The following IGFBP2 variants were observed in gnomAD, a reference collection of about 807,000 sequenced individuals.
IGFBP2 encodes insulin-like growth factor-binding protein 2.
IGFBP2 carries 12 observed loss-of-function variants against 26.2 expected under a neutral mutation model. The observed-to-expected ratio is 0.46, with a 90% CI of 0.29 to 0.74. The LOEUF is 0.74. Ranked by LOEUF, IGFBP2 falls within the 30% of genes least tolerant of loss-of-function variation. The probability of loss-of-function intolerance (pLI) is 0.09; values close to 1 mark genes in which losing one functional copy is unlikely to be tolerated. For synonymous variants in IGFBP2, 189 were observed against 200.6 expected (o/e 0.94, Z 0.49); for missense variants, 328 against 441.2 (o/e 0.74, Z 2.30).
chr2:216,659,724 A>G lies in IGFBP2; in HGVS notation c.443-833A>G, dbSNP rs1421426237. 126 of 1,535,672 alleles carry G rather than the reference A, an allele frequency of 8.2e-5. 2 individuals are homozygous for G. The East Asian group carries it at 3.0e-3, about 37-fold the overall frequency. ...CTTAATGGACGCTTGTTGGACAGAC[A>G]TCACGAAGCTTCATGCCCTGCAGTA... On this transcript the variant is annotated intron_variant, in intron 1 of 3. Coordinates refer to ENST00000233809, the MANE Select transcript of IGFBP2 (RefSeq NM_000597.3).
intron 1 of IGFBP2, among the ~76,000 whole-genome samples, chr2:216,655,042 T>C (rs982293362): frequency 6.6e-6 from 1 of 152,160 alleles, no homozygotes; most frequent in African/African-American, 2.4e-5. Context: ...TTTTAAAATT[T>C]AAAAATTATT....
intron 1 of IGFBP2, among the ~76,000 whole-genome samples, chr2:216,639,052 G>A (rs543210184): frequency 6.6e-5 from 8 of 121,196 alleles, no homozygotes; most frequent in Non-Finnish European, 4.9e-5. Context: ...TTGCTCCGTC[G>A]CCCAGGCTGG....
intron 1 of IGFBP2, among the ~76,000 whole-genome samples, chr2:216,650,302 G>C (rs1439426004): frequency 6.6e-6 from 1 of 152,208 alleles, no homozygotes; most frequent in East Asian, 1.9e-4. Context: ...TGAGTACACT[G>C]ACACCTGCGC....
intron 2 of IGFBP2, 89 bp from the exon 3 acceptor site, chr2:216,661,769 C>G: frequency 6.8e-7 from 1 of 1,473,904 alleles, no homozygotes; most frequent in African/African-American, 1.4e-5. Context: ...CCTCCCTGTG[C>G]AGCAGCTTCT....
At chr2:216,655,606 T>G (rs1372018404) in intron 1 of IGFBP2, among the ~76,000 whole-genome samples, 2 of 152,118 alleles carry the variant, frequency 1.3e-5, no homozygotes. Context: ...AGTGTGAAAA[T>G]GGACTAATAC....
chr2:216,634,099 C>T (rs2106184829), intron 1 of IGFBP2, 134 bp downstream of exon 1: 2 of 1,342,334 alleles, frequency 1.5e-6, no homozygotes, highest in African/African-American at 1.5e-5. Context: ...GGGACTGTTG[C>T]TAGCGGGACG....
At position 216,633,558 on chromosome 2, in the gene IGFBP2, T is replaced by TACC; in HGVS notation, c.35_36insACC (p.Pro16dup). The TACC allele has an allele frequency of 1.7e-5, 2 of 114,700 alleles. No individual in the cohort carries two copies. Among genetic ancestry groups the TACC allele is most frequent in the African/African-American group, 5.6e-5 (1 of 17,824 alleles). 7.1% of individuals were successfully genotyped at this position (114,700 alleles called of 1,614,324 possible). On this transcript the variant is annotated inframe_insertion, in exon 1 of 4. Transcript: ENST00000233809. ...AGAGTGGGCTGCCCCGCGCTGCCGC[T>TACC]GCCGCCGCCGCCGCTGCTGCCGCTG...
intron 2 of IGFBP2, 29 bp from the exon 3 acceptor site, chr2:216,661,829 C>T (rs368246806): frequency 2.5e-5 from 40 of 1,613,464 alleles, no homozygotes; most frequent in Middle Eastern, 1.6e-4. Flanking sequence ...GTCCTCACTC[C>T]GGGCGTCCCC....
At chr2:216,638,256 G>C (rs1697540178) in intron 1 of IGFBP2, among the ~76,000 whole-genome samples, 1 of 151,850 alleles carries the variant, frequency 6.6e-6, no homozygotes, top group African/African-American at 2.4e-5. Flanking sequence ...TGTAATTCCA[G>C]CACTTAGGGA....
intron 1 of IGFBP2, among the ~76,000 whole-genome samples, chr2:216,649,077 T>G (rs561509287): frequency 1.6e-4 from 24 of 152,364 alleles, no homozygotes; most frequent in African/African-American, 5.0e-4. Flanking sequence ...TGCATATATG[T>G]GATAGATGAC....
At chr2:216,656,756 C>G (rs944302443) in intron 1 of IGFBP2, among the ~76,000 whole-genome samples, 7 of 152,186 alleles carry the variant, frequency 4.6e-5, no homozygotes, top group African/African-American at 1.7e-4. Context: ...TAGAGACTGT[C>G]TGCCTTCACC....
chr2:216,663,999 G>C lies in IGFBP2; in HGVS notation c.873G>C (p.Gly291=), dbSNP rs1222613611. ...GECWCVNPNT[G]KLIQGAPTIR... is the part of the protein sequence containing the mutation. ...GCTGGTGTGTGAACCCCAACACCGG[G>C]AAGCTGATCCAGGGAGCCCCCACCA... Residue 291 remains glycine (G), a synonymous_variant, in exon 4 of 4, where the codon GGG becomes GGC. Coordinates refer to ENST00000233809, the MANE Select transcript of IGFBP2 (RefSeq NM_000597.3). The C allele has an allele frequency of 1.2e-6, 2 of 1,614,056 alleles. No individual in the cohort carries two copies. The highest frequency in any genetic ancestry group is 4.5e-5 in the East Asian group (2 of 44,890).
chr2:216,662,551 TA>T (rs1245960149), intron 3 of IGFBP2: 2 of 156,304 alleles, frequency 1.3e-5, no homozygotes, highest in African/African-American at 4.8e-5. Context: ...AACACCATTG[TA>T]AATACATTGG....
intron 1 of IGFBP2, among the ~76,000 whole-genome samples, chr2:216,652,357 G>T (rs1024344714): frequency 1.3e-5 from 2 of 152,090 alleles, no homozygotes; most frequent in Non-Finnish European, 2.9e-5. Flanking sequence ...TGTATTTTTA[G>T]TAGAGACGGT....
chr2:216,663,163 A>G (rs965600253), intron 3 of IGFBP2: 1 of 152,222 alleles, frequency 6.6e-6, no homozygotes, highest in Non-Finnish European at 1.5e-5. Context: ...ATTAAAAGCT[A>G]TTTGTGTACA....
At chr2:216,637,137 ATAGAC>A (rs1265118765) in intron 1 of IGFBP2, among the ~76,000 whole-genome samples, 1 of 152,230 alleles carries the variant, frequency 6.6e-6, no homozygotes, top group Non-Finnish European at 1.5e-5. Flanking sequence ...AAGTCGTAAA[ATAGAC>A]TAGGGAAATG....
In IGFBP2 at chr2:216,655,862, T is replaced by C. The variant is rs545716693; in HGVS notation, c.443-4695T>C. 1.3e-3 allele frequency among the ~76,000 whole-genome samples: 191 copies of C among 149,870 alleles called. 1 individual carries two copies. Among genetic ancestry groups the C allele is most frequent in the African/African-American group, 4.5e-3 (184 of 40,496 alleles). On this transcript the variant is annotated intron_variant, in intron 1 of 3. Coordinates refer to ENST00000233809, the MANE Select transcript of IGFBP2 (RefSeq NM_000597.3). ...GTGAGCCAAGATCGTGCCACTGTACTCCAGCCTGGGTGACAGAGCGATACT... is the reference window on the plus strand; with the variant it reads ...GTGAGCCAAGATCGTGCCACTGTACCCCAGCCTGGGTGACAGAGCGATACT...
chr2:216,634,184 G>A (rs1425797960), intron 1 of IGFBP2, among the ~76,000 whole-genome samples: 2 of 152,228 alleles, frequency 1.3e-5, no homozygotes, highest in Non-Finnish European at 2.9e-5. Context: ...TGGTGGGGAT[G>A]AATGGGGAGA....
At position 216,633,466 on chromosome 2, in the gene IGFBP2, A is replaced by ACCTG; in HGVS notation, c.-55_-52dup. 1.1e-5 allele frequency: 4 copies of ACCTG among 376,674 alleles called. No homozygotes were observed. The highest frequency in any genetic ancestry group is 1.5e-5 in the Non-Finnish European group (4 of 271,240). 23.3% of individuals were successfully genotyped at this position (376,674 alleles called of 1,614,324 possible). On this transcript the variant is annotated 5_prime_UTR_variant, in exon 1 of 4. Coordinates refer to ENST00000233809, the MANE Select transcript of IGFBP2 (RefSeq NM_000597.3). ...GCTCCCGCGCTCGCAGGGCCGTGCC[A>ACCTG]CCTGCCCGCCCGCCCGCTCGCTCGC...
Sources: gnomAD v4.1 joint callset for allele counts (sites outside exome capture counted in the v4.1 genomes callset) on GRCh38, gnomAD v4.1.1 for gene constraint, MANE v1.5 for transcripts, NCBI Gene and HGNC (gene_info 2026-07-23, HGNC 2026-07-21) for gene names.